Variants in GLIS1 observed in about 807,000 individuals in gnomAD.
GLIS1 encodes the protein zinc finger protein GLIS1.
Under a neutral mutation model 63.8 loss-of-function variants are expected in GLIS1, and 24 were observed. The observed-to-expected ratio is 0.38, with a 90% CI of 0.27 to 0.53. GLIS1 has a LOEUF of 0.53. Ranked by LOEUF, GLIS1 falls within the 20% of genes least tolerant of loss-of-function variation. The pLI, the probability that GLIS1 is intolerant of heterozygous loss-of-function variation, is 0.85. For missense variants in GLIS1, 1,036 were observed against 1,074.1 expected (o/e 0.96, Z 0.50); for synonymous variants, 450 against 482.5 (o/e 0.93, Z 0.88).
intron 4 of GLIS1, among the ~76,000 whole-genome samples, chr1:53,569,965 A>C (rs1011549353): frequency 3.3e-5 from 5 of 152,204 alleles, no homozygotes; most frequent in African/African-American, 1.2e-4. Context: ...ATAAGAATTA[A>C]TAATCATATA....
At chr1:53,522,275 T>C (rs1412542847) in intron 6 of GLIS1, among the ~76,000 whole-genome samples, 1 of 152,268 alleles carries the variant, frequency 6.6e-6, no homozygotes, top group African/African-American at 2.4e-5. Flanking sequence ...CCCAGAAAGA[T>C]ACATCATCCC....
At chr1:53,671,816 G>A (rs1160445069) in intron 2 of GLIS1, among the ~76,000 whole-genome samples, 2 of 152,170 alleles carry the variant, frequency 1.3e-5, no homozygotes, top group East Asian at 3.8e-4. Context: ...TTAGGAAGGT[G>A]AAATGGTTTG....
At chr1:53,613,073 C>T (rs1645442766) in intron 2 of GLIS1, among the ~76,000 whole-genome samples, 1 of 152,158 alleles carries the variant, frequency 6.6e-6, no homozygotes, top group South Asian at 2.1e-4. Context: ...CCCACCTTGG[C>T]CTCCCAAAGT....
At chr1:53,636,092 T>C (rs200141646) in intron 2 of GLIS1, among the ~76,000 whole-genome samples, 1 of 152,178 alleles carries the variant, frequency 6.6e-6, no homozygotes, top group East Asian at 1.9e-4. Context: ...CAGTTCACTG[T>C]ATAAGGCTAG....
At chr1:53,583,511 A>G (rs1645105917) in intron 4 of GLIS1, among the ~76,000 whole-genome samples, 1 of 152,142 alleles carries the variant, frequency 6.6e-6, no homozygotes, top group African/African-American at 2.4e-5. Flanking sequence ...CCCCATCCCC[A>G]GGAAACGTAC....
chr1:53,730,231 G>C (rs576197583), intron 2 of GLIS1, among the ~76,000 whole-genome samples: 2 of 152,032 alleles, frequency 1.3e-5, no homozygotes, highest in Non-Finnish European at 2.9e-5. Flanking sequence ...AAAAGTATTC[G>C]GTGGTTTAGG....
At chr1:53,506,831 C>T in intron 10 of GLIS1, 55 bp from the exon 11 acceptor site, 1 of 1,540,874 alleles carries the variant, frequency 6.5e-7, no homozygotes, top group South Asian at 1.2e-5. Flanking sequence ...TGTGCCTGCG[C>T]ATGCTTCCCA....
chr1:53,735,635 G>A (rs1031432146), intron 2 of GLIS1, among the ~76,000 whole-genome samples: 4 of 152,230 alleles, frequency 2.6e-5, no homozygotes, highest in African/African-American at 9.6e-5. Context: ...ATCATAGATG[G>A]TGGGGTCTCA....
intron 2 of GLIS1, among the ~76,000 whole-genome samples, chr1:53,720,818 G>T (rs1646746473): frequency 6.6e-6 from 1 of 152,114 alleles, no homozygotes; most frequent in Non-Finnish European, 1.5e-5. Context: ...GGGCAACACA[G>T]TGAAACTCCA....
intron 4 of GLIS1, among the ~76,000 whole-genome samples, chr1:53,589,193 A>T (rs185062906): frequency 6.6e-6 from 1 of 152,062 alleles, no homozygotes; most frequent in African/African-American, 2.4e-5. Context: ...ATAGCCTCAA[A>T]CTCCCTGGCC....
chr1:53,711,565 A>G (rs1646647217), intron 2 of GLIS1, among the ~76,000 whole-genome samples: 1 of 152,100 alleles, frequency 6.6e-6, no homozygotes, highest in South Asian at 2.1e-4. Context: ...GGGTCCGCCA[A>G]GCTAAGTTCA....
intron 2 of GLIS1, among the ~76,000 whole-genome samples, chr1:53,692,200 A>G (rs937725347): frequency 4.6e-5 from 7 of 152,186 alleles, no homozygotes; most frequent in Non-Finnish European, 1.0e-4. Flanking sequence ...ACTACTATAG[A>G]ACAATAAAGC....
rs115311254 is a variant in GLIS1, at chr1:53,526,770, C to A, written c.1483-1883G>T. On this transcript the variant is annotated intron_variant, in intron 5 of 10. Transcript: ENST00000628545. This position sits in a 1 kb window ranked among gnomAD's most constrained non-coding sequence, Gnocchi z 4.4. ...GCCGGCACATTCGCCTGGAAACGGG[C>A]GGCAAGGCCCATCTCTGTGTTTGTT... 1.3e-5 allele frequency among the ~76,000 whole-genome samples: 2 copies of A among 152,252 alleles called. No homozygotes were observed. The highest frequency in any genetic ancestry group is 2.9e-5 in the Non-Finnish European group (2 of 68,048).
At chr1:53,597,312 GC>G (rs1346485441) in intron 3 of GLIS1, among the ~76,000 whole-genome samples, 2 of 148,416 alleles carry the variant, frequency 1.3e-5, no homozygotes, top group Admixed American at 1.3e-4. Flanking sequence ...GGCGGAGCTT[GC>G]AGTGAGCCGA....
chr1:53,609,485 G>A (rs1472543429), intron 2 of GLIS1, among the ~76,000 whole-genome samples: 12 of 151,842 alleles, frequency 7.9e-5, no homozygotes, highest in Admixed American at 7.9e-4. Flanking sequence ...TGGCCAGGCT[G>A]GTCTTGAACT....
At chr1:53,609,982 T>G (rs1057188759) in intron 2 of GLIS1, among the ~76,000 whole-genome samples, 1 of 152,220 alleles carries the variant, frequency 6.6e-6, no homozygotes, top group Non-Finnish European at 1.5e-5. Flanking sequence ...ACAGTAAAAA[T>G]ACAGTATCAT....
At chr1:53,533,938 T>C (rs1157822774) in intron 4 of GLIS1, among the ~76,000 whole-genome samples, 18 of 152,092 alleles carry the variant, frequency 1.2e-4, no homozygotes, top group African/African-American at 3.9e-4. Context: ...AGTATTACTG[T>C]CTCCACTGAC....
chr1:53,650,590 A>C (rs929002337), intron 2 of GLIS1, among the ~76,000 whole-genome samples: 1,488 of 22,078 alleles, frequency 0.067, 12 homozygotes, highest in Middle Eastern at 0.18. Context: ...ACTTCATCTC[A>C]AAAAAAAAAA....
intron 4 of GLIS1, among the ~76,000 whole-genome samples, chr1:53,571,651 G>A (rs753338462): frequency 4.6e-5 from 7 of 151,768 alleles, no homozygotes; most frequent in Admixed American, 1.3e-4. Flanking sequence ...ATCTGGGCTC[G>A]CTGCAAGCTC....
Sources: gnomAD v4.1 joint callset for allele counts (sites outside exome capture counted in the v4.1 genomes callset) on GRCh38, gnomAD v4.1.1 for gene constraint, Gnocchi (gnomAD v3.1) non-coding constraint, MANE v1.5 for transcripts, NCBI Gene and HGNC (gene_info 2026-07-23, HGNC 2026-07-21) for gene names.